MYT1L: variants seen among roughly 807,000 people sequenced by gnomAD.
MYT1L encodes myelin transcription factor 1-like protein.
In MYT1L, 12 loss-of-function variants were observed where a neutral mutation model predicts 126.7. The ratio of observed to expected loss-of-function variants is 0.09; its 90% confidence interval spans 0.06 to 0.15. The LOEUF (loss-of-function observed/expected upper bound fraction) is 0.15, where lower values mean the gene tolerates loss of function less well. Ranked by LOEUF, MYT1L falls within the 10% of genes least tolerant of loss-of-function variation. The pLI is 1.00. For missense variants in MYT1L, 979 were observed against 1,585.2 expected, an observed-to-expected ratio of 0.62 and a Z score of 6.49; for synonymous variants, 541 against 604.2, an observed-to-expected ratio of 0.90 and a Z score of 1.53.
chr2:2,062,530 C>T (rs1313911256), intron 3 of MYT1L, among the ~76,000 whole-genome samples: 1 of 152,214 alleles, frequency 6.6e-6, no homozygotes, highest in Non-Finnish European at 1.5e-5. Flanking sequence ...GCATCCCTGT[C>T]TTCCTCTGTC....
intron 2 of MYT1L, among the ~76,000 whole-genome samples, chr2:2,251,336 C>T (rs1372438715): frequency 2.6e-5 from 4 of 152,110 alleles, no homozygotes; most frequent in South Asian, 2.1e-4. Flanking sequence ...GAGATACGTC[C>T]GCTGCAGCCC....
chr2:1,942,675 C>T (rs762536845), intron 9 of MYT1L, among the ~76,000 whole-genome samples: 37 of 152,278 alleles, frequency 2.4e-4, no homozygotes, highest in Non-Finnish European at 4.7e-4. Context: ...AAGACCAGGT[C>T]GGCTAACTTA....
At chr2:2,144,655 T>G (rs756898648) in intron 3 of MYT1L, among the ~76,000 whole-genome samples, 2 of 152,180 alleles carry the variant, frequency 1.3e-5, no homozygotes, top group African/African-American at 2.4e-5. Flanking sequence ...CAGTGAACCA[T>G]GAAAGTCCAG....
At chr2:2,241,385 G>A (rs76187028) in intron 2 of MYT1L, among the ~76,000 whole-genome samples, 2,169 of 152,200 alleles carry the variant, frequency 0.014, 47 homozygotes, top group African/African-American at 0.05. Context: ...TGCCTTTCTC[G>A]TTTCTATGAC....
At chr2:2,002,793 T>C (rs907626322) in intron 4 of MYT1L, among the ~76,000 whole-genome samples, 1 of 152,108 alleles carries the variant, frequency 6.6e-6, no homozygotes, top group African/African-American at 2.4e-5. Flanking sequence ...CGGGGCAGTT[T>C]CCCCCATGCT....
intron 18 of MYT1L, among the ~76,000 whole-genome samples, chr2:1,874,008 G>A (rs553822889): frequency 2.0e-5 from 3 of 152,182 alleles, no homozygotes; most frequent in East Asian, 1.9e-4. Context: ...GACAGGGCAC[G>A]AAGAAAGTGA....
At chr2:2,212,289 T>A (rs1033679116) in intron 2 of MYT1L, among the ~76,000 whole-genome samples, 8 of 150,922 alleles carry the variant, frequency 5.3e-5, no homozygotes, top group Non-Finnish European at 1.2e-4. Context: ...CCAGGATGAG[T>A]TACCCGATAA....
intron 4 of MYT1L, among the ~76,000 whole-genome samples, chr2:2,004,053 ACTTTCCTGCAGG>A (rs2149680325): frequency 7.7e-6 from 1 of 129,540 alleles, no homozygotes. Context: ...TTTCCTGCAT[ACTTTCCTGCAGG>A]CGTTCTTTCC....
At position 2,169,297 on chromosome 2, in the gene MYT1L, C is replaced by T. The variant is rs75395064; in HGVS notation, c.-304+3575G>A. Among the ~76,000 whole-genome samples, 639 of 152,226 alleles carry T rather than the reference C, an allele frequency of 4.2e-3. 13 individuals are homozygous for T. In the East Asian group the frequency reaches 0.058, roughly 14 times the overall value. ...GAGCACACTCTGCAGGTTGTGTTTC[C>T]GCTCTCTCAATCACCTCTTTTGGCT... On this transcript the variant is annotated intron_variant, in intron 3 of 24. Coordinates refer to ENST00000647738, the MANE Select transcript of MYT1L (RefSeq NM_001303052.2).
chr2:2,018,655 C>T (rs976061341), intron 4 of MYT1L, among the ~76,000 whole-genome samples: 1 of 152,116 alleles, frequency 6.6e-6, no homozygotes, highest in Non-Finnish European at 1.5e-5. Flanking sequence ...GTGATTAGAC[C>T]CTCAAACCCT....
At chr2:2,010,479 G>T (rs1282637431) in intron 4 of MYT1L, among the ~76,000 whole-genome samples, 1 of 152,024 alleles carries the variant, frequency 6.6e-6, no homozygotes, top group Non-Finnish European at 1.5e-5. Context: ...AGTGTGCTAG[G>T]AAGAAAGGCA....
intron 5 of MYT1L, among the ~76,000 whole-genome samples, chr2:1,995,240 C>T (rs2061736259): frequency 6.6e-6 from 1 of 151,880 alleles, no homozygotes; most frequent in Admixed American, 6.6e-5. Context: ...TGGATGTGAA[C>T]ACTCTAGCAT....
rs150064685 is a variant in MYT1L at position 2,206,781 on chromosome 2, A to G, written c.-420-33793T>C. On this transcript the variant is annotated intron_variant, in intron 2 of 24. Coordinates refer to ENST00000647738, the MANE Select transcript of MYT1L (RefSeq NM_001303052.2). ...AGATTCTGTAGTTGCCCATTTGCCTACTTACTCTCCTACTATAGACCAGTG... is the reference window on the plus strand; with the variant it reads ...AGATTCTGTAGTTGCCCATTTGCCTGCTTACTCTCCTACTATAGACCAGTG... 8.4e-3 allele frequency among the ~76,000 whole-genome samples: 1,282 copies of G among 152,260 alleles called. 16 individuals carry two copies. The highest frequency in any genetic ancestry group is 0.029 in the African/African-American group (1,213 of 41,562).
intron 3 of MYT1L, among the ~76,000 whole-genome samples, chr2:2,137,495 T>C (rs2083238569): frequency 6.6e-6 from 1 of 152,068 alleles, no homozygotes; most frequent in Admixed American, 6.5e-5. Flanking sequence ...AACAGAGATA[T>C]AGATCAATGG....
intron 3 of MYT1L, among the ~76,000 whole-genome samples, chr2:2,113,970 CATTACTGCCTCCATTACACAGAT>C (rs1200445891): frequency 1.4e-4 from 21 of 151,330 alleles, no homozygotes; most frequent in Non-Finnish European, 2.5e-4. Flanking sequence ...GTTATGAAAA[CATTACTGCCTCCATTACACAGAT>C]AGGAAAATAG....
At chr2:1,865,893 G>A (rs2045397518) in intron 18 of MYT1L, among the ~76,000 whole-genome samples, 1 of 152,182 alleles carries the variant, frequency 6.6e-6, no homozygotes, top group Non-Finnish European at 1.5e-5. Context: ...CTGAGCAAGA[G>A]GCTACTGCTG....
intron 5 of MYT1L, among the ~76,000 whole-genome samples, chr2:1,983,985 T>C (rs1346147633): frequency 6.6e-6 from 1 of 152,206 alleles, no homozygotes; most frequent in Admixed American, 6.5e-5. Flanking sequence ...TTTTCTAAGA[T>C]TTAAAATTTG....
At chr2:2,122,730 T>C (rs1177507374) in intron 3 of MYT1L, among the ~76,000 whole-genome samples, 1 of 152,114 alleles carries the variant, frequency 6.6e-6, no homozygotes, top group Non-Finnish European at 1.5e-5. Flanking sequence ...GAACGCTGGG[T>C]TGGCCATACA....
At chr2:2,115,676 T>A (rs577379279) in intron 3 of MYT1L, among the ~76,000 whole-genome samples, 12 of 152,334 alleles carry the variant, frequency 7.9e-5, no homozygotes, top group African/African-American at 2.6e-4. Flanking sequence ...GCCCCTGCCT[T>A]TCTGTGGCTC....
Sources: gnomAD v4.1 joint callset for allele counts (sites outside exome capture counted in the v4.1 genomes callset) on GRCh38, gnomAD v4.1.1 for gene constraint, MANE v1.5 for transcripts, NCBI Gene and HGNC (gene_info 2026-07-23, HGNC 2026-07-21) for gene names.